The following PTMA variants were observed in gnomAD, a reference collection of about 807,000 sequenced individuals.
PTMA encodes the protein gene sequence 28.
PTMA carries 4 observed loss-of-function variants against 16.9 expected under a neutral mutation model. That is an observed-to-expected ratio of 0.24 (90% CI 0.12 to 0.54). PTMA has a LOEUF of 0.54. Ranked by LOEUF, PTMA falls within the 20% of genes least tolerant of loss-of-function variation. The pLI is 0.95. For missense variants in PTMA, 120 were observed against 137.7 expected (o/e 0.87, Z 0.64); for synonymous variants, 58 against 47.9 (o/e 1.21, Z -0.87).
chr2:231,708,837 G>T (rs562265045), intron 1 of PTMA, 86 bp downstream of exon 1: 3 of 1,462,442 alleles, frequency 2.1e-6, no homozygotes, highest in Admixed American at 4.0e-5. Flanking sequence ...ACTGTCTCAA[G>T]CCCGCTGTTG....
intron 2 of PTMA, 44 bp from the exon 3 acceptor site, chr2:231,711,846 C>T (rs1183141194): frequency 1.2e-6 from 2 of 1,609,594 alleles, no homozygotes; most frequent in South Asian, 2.2e-5. Flanking sequence ...TCTGTCCAGC[C>T]TGGGGCCAGC....
At chr2:231,708,827 A>G (rs980940885) in intron 1 of PTMA, 76 bp downstream of exon 1, 13 of 1,526,942 alleles carry the variant, frequency 8.5e-6, no homozygotes, top group Admixed American at 1.8e-5. Context: ...CAGCAGCTGG[A>G]CTGTCTCAAG....
At chr2:231,710,505 T>A in intron 1 of PTMA, 1 of 990,068 alleles carries the variant, frequency 1.0e-6, no homozygotes, top group Non-Finnish European at 1.4e-6. Flanking sequence ...CGGGCCGGAC[T>A]GAGAGGGCCG....
At chr2:231,710,242 C>T (rs763091539) in intron 1 of PTMA, 3 of 1,335,526 alleles carry the variant, frequency 2.2e-6, no homozygotes, top group South Asian at 2.1e-5. Flanking sequence ...CCCGGCCGAC[C>T]GACGCGCGAC....
intron 2 of PTMA, 178 bp from the exon 3 acceptor site, chr2:231,711,712 C>G (rs950453957): frequency 2.5e-6 from 3 of 1,178,584 alleles, no homozygotes; most frequent in East Asian, 5.2e-5. Context: ...AGTTAATGTG[C>G]AGGTTTCATG....
intron 1 of PTMA, among the ~76,000 whole-genome samples, chr2:231,709,258 C>T (rs1024998483): frequency 2.0e-5 from 3 of 152,148 alleles, no homozygotes; most frequent in South Asian, 4.1e-4. Context: ...TGCAGCGGAC[C>T]TGAGGTGGTT....
At chr2:231,711,061 T>A in intron 1 of PTMA, 1 of 320,984 alleles carries the variant, frequency 3.1e-6, no homozygotes, top group Non-Finnish European at 5.9e-6. Flanking sequence ...TGGCGCCACA[T>A]GGCTCCTTTT....
Position 231,708,580 on chromosome 2 carries a change from G to C in PTMA, c.-127G>C, listed in dbSNP as rs1035659159. 1.7e-6 allele frequency: 2 copies of C among 1,144,410 alleles called. No homozygotes were observed. Among genetic ancestry groups the C allele is most frequent in the South Asian group, 1.2e-5 (1 of 80,448 alleles). 70.9% of individuals were successfully genotyped at this position (1,144,410 alleles called of 1,614,324 possible). A position where few individuals can be genotyped will look rare whatever the true frequency, so the allele number is the denominator to read the frequency against. ...TGCATTGTTCCTCATCCGCCTCCTT[G>C]CTCGCCGCAGCCGCCTCCGCCGCGC... On this transcript the variant is annotated 5_prime_UTR_variant, in exon 1 of 5. Coordinates refer to ENST00000409115, the MANE Select transcript of PTMA (RefSeq NM_002823.5).
chr2:231,708,916 C>T (rs1008698645), intron 1 of PTMA, among the ~76,000 whole-genome samples, 165 bp downstream of exon 1: 2 of 152,134 alleles, frequency 1.3e-5, no homozygotes, highest in African/African-American at 2.4e-5. Flanking sequence ...TTGTGTGGTG[C>T]GGGGGAGGGG....
chr2:231,710,215 G>C (rs748131079), intron 1 of PTMA: 1 of 1,343,056 alleles, frequency 7.4e-7, no homozygotes, highest in Non-Finnish European at 9.7e-7. Flanking sequence ...GGCGGCAGTG[G>C]GGCGTCGAGT....
In PTMA at chr2:231,708,591, C is replaced by T. The variant is rs8868; in HGVS notation, c.-116C>T. 0.14 allele frequency: 181,214 copies of T among 1,301,630 alleles called. 13,838 individuals are homozygous for T. Among genetic ancestry groups the T allele is most frequent in the Non-Finnish European group, 0.15 (136,173 of 916,792 alleles). 80.6% of individuals were successfully genotyped at this position (1,301,630 alleles called of 1,614,324 possible). A position where few individuals can be genotyped will look rare whatever the true frequency, so the allele number is the denominator to read the frequency against. ...TCATCCGCCTCCTTGCTCGCCGCAG[C>T]CGCCTCCGCCGCGCGCCTCCTCCGC... On this transcript the variant is annotated 5_prime_UTR_variant, in exon 1 of 5. Transcript: ENST00000409115.
intron 1 of PTMA, among the ~76,000 whole-genome samples, chr2:231,709,511 C>T (rs2048488257): frequency 6.6e-6 from 1 of 152,152 alleles, no homozygotes; most frequent in Non-Finnish European, 1.5e-5. Flanking sequence ...AAGTGAAGCG[C>T]GGCGCTGGGG....
chr2:231,710,302 G>A (rs2048500405), intron 1 of PTMA: 5 of 1,258,716 alleles, frequency 4.0e-6, no homozygotes, highest in South Asian at 3.4e-5. Context: ...AGTCTCCAAG[G>A]CAAGGGACGC....
chr2:231,711,574 G>C, intron 2 of PTMA, 155 bp downstream of exon 2: 2 of 763,986 alleles, frequency 2.6e-6, no homozygotes, highest in Non-Finnish European at 4.2e-6. Flanking sequence ...CCCGAGGCGC[G>C]ATTATTGCTA....
intron 1 of PTMA, chr2:231,710,737 C>T (rs1263363286): frequency 5.8e-6 from 2 of 343,190 alleles, no homozygotes; most frequent in Non-Finnish European, 1.2e-5. Context: ...CGGCGGCAGG[C>T]CCCGGCCTGG....
intron 4 of PTMA, 100 bp downstream of exon 4, chr2:231,712,616 G>A (rs2106246203): frequency 7.1e-7 from 1 of 1,403,542 alleles, no homozygotes; most frequent in East Asian, 2.3e-5. Flanking sequence ...TTCTGACTTT[G>A]TAGGTGGCCA....
chr2:231,712,472 G>A lies in PTMA; in HGVS notation c.241G>A (p.Glu81Lys). The change falls in exon 4 of 5, where the codon GAA becomes AAA. Residue 81 changes from glutamate (E) to lysine (K), a missense_variant. Coordinates refer to ENST00000409115, the MANE Select transcript of PTMA (RefSeq NM_002823.5). The part of the protein sequence containing the change: ...GEEEDGDEDE[E>K]AESATGKRAA... ...GGAAGAGGATGGAGATGAAGATGAG[G>A]AAGCTGAGTCAGCTACGGGCAAGCG... 2 of 1,614,184 alleles carry A rather than the reference G, an allele frequency of 1.2e-6. No homozygotes were observed. Among genetic ancestry groups the A allele is most frequent in the Non-Finnish European group, 1.7e-6 (2 of 1,180,020 alleles).
At chr2:231,709,100 A>C (rs2048480979) in intron 1 of PTMA, among the ~76,000 whole-genome samples, 1 of 152,070 alleles carries the variant, frequency 6.6e-6, no homozygotes, top group Admixed American at 6.5e-5. Context: ...CGCCGGGCGC[A>C]CGGAAATAAC....
At position 231,709,260 on chromosome 2, in the gene PTMA, G is replaced by C. The variant is rs549225337; in HGVS notation, c.45+509G>C. Among the ~76,000 whole-genome samples, 965 of 152,284 alleles carry C rather than the reference G, an allele frequency of 6.3e-3. 13 individuals carry two copies. The highest frequency in any genetic ancestry group is 0.022 in the African/African-American group (923 of 41,576). ...CGGTTTCGCGCCCTGCAGCGGACCT[G>C]AGGTGGTTTGTCTAGACTAAGTCCC... is the stretch of plus-strand genomic sequence containing the variant. On this transcript the variant is annotated intron_variant, in intron 1 of 4. Transcript: ENST00000409115.
Sources: allele counts gnomAD v4.1 joint callset (sites outside exome capture counted in the v4.1 genomes callset), GRCh38; gene constraint gnomAD v4.1.1; transcripts MANE v1.5; gene names NCBI Gene and HGNC (gene_info 2026-07-23, HGNC 2026-07-21).